TMEM87A: variants seen among roughly 807,000 people sequenced by gnomAD.
TMEM87A encodes transmembrane protein 87A, also known as Golgi-pH regulating cation channel.
Under a neutral mutation model 90.0 loss-of-function variants are expected in TMEM87A, and 50 were observed. That is an observed-to-expected ratio of 0.56 (90% CI 0.44 to 0.70). TMEM87A has a LOEUF of 0.70. Ranked by LOEUF, TMEM87A falls within the 30% of genes least tolerant of loss-of-function variation. The pLI, the probability that TMEM87A is intolerant of heterozygous loss-of-function variation, is 0.00. For missense variants in TMEM87A, 577 were observed against 660.5 expected, an observed-to-expected ratio of 0.87 and a Z score of 1.39; for synonymous variants, 226 against 226.7, an observed-to-expected ratio of 1.00 and a Z score of 0.03.
rs974239543 is a variant in TMEM87A at position 42,236,337 on chromosome 15, C to T, written c.951G>A (p.Leu317=). The T allele has an allele frequency of 6.2e-7, 1 of 1,613,906 alleles. No homozygotes were observed. The highest frequency in any genetic ancestry group is 1.3e-5 in the African/African-American group (1 of 74,904). Residue 317 remains leucine (L), a synonymous_variant, in exon 10 of 20, where the codon CTG becomes CTA. Transcript: ENST00000389834. ...LARTLVIIVS[L]GYGIVKPRLG... is the part of the protein sequence containing the mutation. The stretch of plus-strand genomic sequence containing the variant: ...ATACTTACTTGACGATGCCATATCC[C>T]AGACTGACTATGATGACCAGGGTTC...
At chr15:42,253,654 G>C (rs2051125803) in intron 6 of TMEM87A, among the ~76,000 whole-genome samples, 3 of 152,210 alleles carry the variant, frequency 2.0e-5, no homozygotes, top group South Asian at 4.1e-4. Flanking sequence ...TCCTGCCTCT[G>C]AACTGGGAAG....
At chr15:42,217,885 T>C (rs79489124) in intron 18 of TMEM87A, 52 bp from the exon 19 acceptor site, 2 of 1,571,616 alleles carry the variant, frequency 1.3e-6, no homozygotes, top group South Asian at 1.2e-5. Flanking sequence ...AAGCCATAAA[T>C]GGTTCATAAA....
At chr15:42,260,930 A>G in intron 6 of TMEM87A, 28 bp downstream of exon 6, 2 of 1,603,016 alleles carry the variant, frequency 1.2e-6, no homozygotes, top group Non-Finnish European at 8.5e-7. Context: ...ATATGTGTTC[A>G]ATGCCCCAAA....
At chr15:42,256,992 AC>A (rs2051196658) in intron 6 of TMEM87A, among the ~76,000 whole-genome samples, 2 of 152,208 alleles carry the variant, frequency 1.3e-5, no homozygotes. Flanking sequence ...TGCTGGGGTT[AC>A]AGGTGTGAGC....
chr15:42,227,857 C>G (rs1354812271), intron 13 of TMEM87A, 88 bp from the exon 14 acceptor site: 2 of 1,175,700 alleles, frequency 1.7e-6, no homozygotes, highest in Admixed American at 3.5e-5. Context: ...AGTGGAATCC[C>G]ACACACCCCG....
At chr15:42,229,062 G>A (rs910337184) in intron 12 of TMEM87A, among the ~76,000 whole-genome samples, 5 of 151,952 alleles carry the variant, frequency 3.3e-5, no homozygotes, top group Non-Finnish European at 7.4e-5. Context: ...GAGTGCAGTG[G>A]CACAATCACG....
In TMEM87A at chr15:42,237,468, C is replaced by T. The variant is rs377564643; in HGVS notation, c.832G>A (p.Ala278Thr). 27 of 1,613,924 alleles carry T rather than the reference C, an allele frequency of 1.7e-5. No individual in the cohort carries two copies. Among genetic ancestry groups the T allele is most frequent in the Non-Finnish European group, 2.3e-5 (27 of 1,180,010 alleles). Residue 278 changes from alanine to threonine, a missense_variant, in exon 9 of 20, where the codon GCG becomes ACG. By Grantham distance (58) the Ala-to-Thr change is moderately conservative. Coordinates refer to ENST00000389834, the MANE Select transcript of TMEM87A (RefSeq NM_015497.5). The stretch of plus-strand genomic sequence containing the variant: ...TTGTATCGGATATTCTGAAATTCCG[C>T]ATAGAAGACAGCTTTCTCAAGCATT... Reference protein sequence around the residue: ...LGMLEKAVFYAEFQNIRYKGE... With the variant: ...LGMLEKAVFYTEFQNIRYKGE...
At chr15:42,262,227 C>G (rs535351065) in intron 4 of TMEM87A, 31 of 152,278 alleles carry the variant, frequency 2.0e-4, no homozygotes, top group African/African-American at 7.5e-4. Flanking sequence ...AAGAAAAGAC[C>G]AACCAATCCT....
At chr15:42,226,642 T>C in intron 15 of TMEM87A, 164 bp downstream of exon 15, 1 of 621,728 alleles carries the variant, frequency 1.6e-6, no homozygotes, top group South Asian at 2.2e-5. Context: ...CCAAAAATCA[T>C]GAAGTTAAGA....
chr15:42,232,190 T>C (rs2050696585), intron 11 of TMEM87A, among the ~76,000 whole-genome samples: 1 of 152,192 alleles, frequency 6.6e-6, no homozygotes, highest in Non-Finnish European at 1.5e-5. Flanking sequence ...TAGAGAACCT[T>C]ATACTTCTTC....
At chr15:42,264,932 C>G (rs2051372892) in intron 3 of TMEM87A, among the ~76,000 whole-genome samples, 2 of 152,132 alleles carry the variant, frequency 1.3e-5, no homozygotes, top group Non-Finnish European at 2.9e-5. Flanking sequence ...TCAGCTCCCA[C>G]TTATAAGTGA....
chr15:42,248,473 T>C (rs1275010496), intron 6 of TMEM87A, among the ~76,000 whole-genome samples: 1 of 152,116 alleles, frequency 6.6e-6, no homozygotes, highest in Non-Finnish European at 1.5e-5. Context: ...ACTTAGTTTA[T>C]TGAGAGTTTT....
chr15:42,249,481 G>A (rs2051043609), intron 6 of TMEM87A, among the ~76,000 whole-genome samples: 1 of 152,174 alleles, frequency 6.6e-6, no homozygotes, highest in Non-Finnish European at 1.5e-5. Flanking sequence ...GGTATGTTGT[G>A]TCTTTGTTCT....
At chr15:42,272,704 A>T (rs7181758) in intron 1 of TMEM87A, 3 of 322,510 alleles carry the variant, frequency 9.3e-6, no homozygotes, top group African/African-American at 4.3e-5. Context: ...CTATTTCTTC[A>T]ATTTTAACCA....
In TMEM87A at chr15:42,231,187, G is replaced by C; in HGVS notation, c.1131+5C>G. On this transcript the variant is annotated splice_donor_5th_base_variant and intron_variant, in intron 12 of 19. Transcript: ENST00000389834. ...CATCATCAAACAAGCCAATGAGAAG[G>C]ATATCCACCAGCACAAGGCAGTGTC... The C allele has an allele frequency of 6.2e-7, 1 of 1,602,024 alleles. No homozygotes were observed. Among genetic ancestry groups the C allele is most frequent in the Non-Finnish European group, 8.5e-7 (1 of 1,175,498 alleles).
At chr15:42,228,411 T>C (rs2050633008) in intron 13 of TMEM87A, among the ~76,000 whole-genome samples, 1 of 152,002 alleles carries the variant, frequency 6.6e-6, no homozygotes, top group Non-Finnish European at 1.5e-5. Context: ...CTAAAAGGAG[T>C]ACTCTCTGGC....
rs538282508 is a variant in TMEM87A at position 42,254,052 on chromosome 15, C to CTT, written c.504+6904_504+6905dup. Reference sequence around the variant, plus strand: ...TTCTCCATAACAAAACTATTTTTTTCTTTTTTTTTTTCTCTTTTTCACAGT... The same window carrying CTT: ...TTCTCCATAACAAAACTATTTTTTTCTTTTTTTTTTTTTCTCTTTTTCACAGT... On this transcript the variant is annotated intron_variant, in intron 6 of 19. Coordinates refer to ENST00000389834, the MANE Select transcript of TMEM87A (RefSeq NM_015497.5). 9.9e-3 allele frequency among the ~76,000 whole-genome samples: 1,453 copies of CTT among 147,352 alleles called. 24 individuals carry two copies. The highest frequency in any genetic ancestry group is 0.035 in the African/African-American group (1,402 of 40,392).
intron 6 of TMEM87A, among the ~76,000 whole-genome samples, chr15:42,244,975 T>C (rs2050944815): frequency 6.6e-6 from 1 of 151,884 alleles, no homozygotes; most frequent in Admixed American, 6.6e-5. Flanking sequence ...GCTGATTTTT[T>C]ATGTTTATGC....
intron 19 of TMEM87A, among the ~76,000 whole-genome samples, chr15:42,213,423 G>T (rs1340934717): frequency 6.6e-6 from 1 of 152,216 alleles, no homozygotes; most frequent in Admixed American, 6.5e-5. Context: ...CCCTAGGGAG[G>T]AGAGATGGAC....
Sources: allele counts gnomAD v4.1 joint callset (sites outside exome capture counted in the v4.1 genomes callset), GRCh38; gene constraint gnomAD v4.1.1; transcripts MANE v1.5; gene names NCBI Gene and HGNC (gene_info 2026-07-23, HGNC 2026-07-21).